The following PLAAT1 variants were observed in gnomAD, a reference collection of about 807,000 sequenced individuals.
PLAAT1 encodes the protein H-REV107 protein-related protein.
A neutral mutation model predicts 16.4 loss-of-function variants in PLAAT1; 13 were observed. The observed-to-expected ratio is 0.79, with a 90% CI of 0.52 to 1.26. The LOEUF (loss-of-function observed/expected upper bound fraction) is 1.26. Among genes scored for constraint, PLAAT1 ranks in the 50% most tolerant of loss-of-function variants. The pLI is 0.00. For missense variants in PLAAT1, 218 were observed against 207.8 expected (o/e 1.05, Z -0.30); for synonymous variants, 73 against 78.4 (o/e 0.93, Z 0.36).
In PLAAT1 at chr3:193,264,505, C is replaced by A. The variant is rs985714969; in HGVS notation, c.405+1270C>A. The stretch of plus-strand genomic sequence containing the variant: ...TTGTTGTTGTTGTTTGTTTCTTCTT[C>A]TTCTTCTTTTTTTTTTTAGATGGAG... On this transcript the variant is annotated intron_variant, in intron 3 of 3. Transcript: ENST00000264735. 2.6e-3 allele frequency among the ~76,000 whole-genome samples: 111 copies of A among 43,316 alleles called. 5 individuals carry two copies. The highest frequency in any genetic ancestry group is 1.6e-3 in the Admixed American group (5 of 3,090). The allele number at this position is 43,316 out of a possible 152,430, so 28.4% of individuals were successfully genotyped here.
intron 3 of PLAAT1, among the ~76,000 whole-genome samples, chr3:193,268,659 G>C (rs1188020366): frequency 2.0e-5 from 3 of 152,202 alleles, no homozygotes; most frequent in African/African-American, 4.8e-5. Context: ...AATGAGACTT[G>C]AAATAAATGA....
At chr3:193,263,286 G>A in intron 3 of PLAAT1, 51 bp downstream of exon 3, 1 of 1,552,478 alleles carries the variant, frequency 6.4e-7, no homozygotes, top group Non-Finnish European at 8.8e-7. Context: ...ATAACTATTG[G>A]CTATGATAAG....
intron 1 of PLAAT1, among the ~76,000 whole-genome samples, chr3:193,253,542 T>C (rs1330777149): frequency 1.3e-5 from 2 of 152,178 alleles, no homozygotes; most frequent in African/African-American, 4.8e-5. Context: ...CGACAGCTTT[T>C]TACCAGCTCC....
At chr3:193,248,990 A>G (rs1716089191) in intron 1 of PLAAT1, among the ~76,000 whole-genome samples, 1 of 152,112 alleles carries the variant, frequency 6.6e-6, no homozygotes, top group Non-Finnish European at 1.5e-5. Context: ...AGGCAGGTCT[A>G]GTTGTGATAA....
chr3:193,276,718 T>C, intron 2 of PLAAT1: 1 of 1,480,432 alleles, frequency 6.8e-7, no homozygotes, highest in East Asian at 2.3e-5. Flanking sequence ...AATTTGTTTA[T>C]CTTCCTAGAA....
chr3:193,249,345 A>G lies in PLAAT1; in HGVS notation c.1-6306A>G, dbSNP rs145456648. Among the ~76,000 whole-genome samples the G allele has an allele frequency of 3.1e-4, 47 of 152,224 alleles. 2 individuals carry two copies. In the East Asian group the frequency reaches 5.0e-3, roughly 16 times the overall value. ...CTTCTGGATTTCTGTTTCCTTCCCT[A>G]CACTTAGGAAGGTTTTCGCAATTGC... On this transcript the variant is annotated intron_variant, in intron 1 of 3. Transcript: ENST00000264735.
chr3:193,263,213 A>G lies in PLAAT1; in HGVS notation c.383A>G (p.Tyr128Cys). 6.2e-7 allele frequency: 1 copy of G among 1,614,046 alleles called. No homozygotes were observed. The highest frequency in any genetic ancestry group is 1.1e-5 in the South Asian group (1 of 91,076). Residue 128 changes from tyrosine (Y) to cysteine (C), a missense_variant, in exon 3 of 4, where the codon TAT becomes TGT. Coordinates refer to ENST00000264735, the MANE Select transcript of PLAAT1 (RefSeq NM_020386.5). ...NCEHFVTLLR[Y>C]GEGVSEQANR... is the part of the protein sequence containing the mutation. ...GAACATTTTGTGACATTGCTTCGCTATGGAGAAGGAGTTTCAGAGCAGGTA... is the reference window on the plus strand; with the variant it reads ...GAACATTTTGTGACATTGCTTCGCTGTGGAGAAGGAGTTTCAGAGCAGGTA...
chr3:193,273,131 A>G (rs986479109), downstream of PLAAT1, among the ~76,000 whole-genome samples: 3 of 152,214 alleles, frequency 2.0e-5, no homozygotes, highest in Admixed American at 6.5e-5. Flanking sequence ...TTTTTAAAAA[A>G]TCTTTTTATG....
chr3:193,250,595 C>T (rs1200929979), intron 1 of PLAAT1, among the ~76,000 whole-genome samples: 1 of 152,126 alleles, frequency 6.6e-6, no homozygotes, highest in Non-Finnish European at 1.5e-5. Context: ...AAAGAGCACT[C>T]CGTGTGTATG....
intron 1 of PLAAT1, among the ~76,000 whole-genome samples, chr3:193,249,453 C>T (rs1716111327): frequency 6.6e-6 from 1 of 152,118 alleles, no homozygotes; most frequent in Non-Finnish European, 1.5e-5. Context: ...TGAATAACAT[C>T]ATTTTACTCA....
chr3:193,275,165 A>G, downstream of PLAAT1: 3 of 1,614,194 alleles, frequency 1.9e-6, no homozygotes, highest in Non-Finnish European at 2.5e-6. Flanking sequence ...CATCACCTGA[A>G]TAATCTGTCC....
At chr3:193,253,548 G>C (rs988802625) in intron 1 of PLAAT1, among the ~76,000 whole-genome samples, 2 of 152,004 alleles carry the variant, frequency 1.3e-5, no homozygotes, top group African/African-American at 4.8e-5. Flanking sequence ...CTTTTTACCA[G>C]CTCCCTAAGG....
intron 1 of PLAAT1, among the ~76,000 whole-genome samples, chr3:193,254,333 T>C (rs1716300004): frequency 6.6e-6 from 1 of 152,180 alleles, no homozygotes; most frequent in Non-Finnish European, 1.5e-5. Context: ...CCCAAGTCCT[T>C]AGTCTCTGCT....
chr3:193,272,163 G>A (rs1445910069), downstream of PLAAT1, among the ~76,000 whole-genome samples: 1 of 152,080 alleles, frequency 6.6e-6, no homozygotes, highest in Non-Finnish European at 1.5e-5. Context: ...ACAATAACAG[G>A]CCAGGTGCGG....
intron 2 of PLAAT1, among the ~76,000 whole-genome samples, chr3:193,262,385 A>AG (rs1716617359): frequency 6.7e-6 from 1 of 149,528 alleles, no homozygotes; most frequent in Non-Finnish European, 1.5e-5. Flanking sequence ...GCAGGAAAAA[A>AG]GCAGGGCCCC....
chr3:193,258,942 C>G (rs1577306176), intron 2 of PLAAT1, among the ~76,000 whole-genome samples: 1 of 151,930 alleles, frequency 6.6e-6, no homozygotes, highest in Non-Finnish European at 1.5e-5. Flanking sequence ...ATCGGAGAGA[C>G]ACACAAAAAA....
intron 2 of PLAAT1, among the ~76,000 whole-genome samples, chr3:193,260,802 G>C (rs1052774778): frequency 6.6e-6 from 1 of 152,112 alleles, no homozygotes; most frequent in Non-Finnish European, 1.5e-5. Flanking sequence ...TTATCAAAGA[G>C]CTTAAAAGAG....
chr3:193,242,002 T>C (rs1168537609), intron 1 of PLAAT1, among the ~76,000 whole-genome samples: 3 of 152,142 alleles, frequency 2.0e-5, no homozygotes, highest in African/African-American at 7.2e-5. Context: ...ACTGAAGGTA[T>C]AGAGCAAGCT....
At chr3:193,269,825 G>A (rs975733128) in intron 3 of PLAAT1, among the ~76,000 whole-genome samples, 3 of 152,128 alleles carry the variant, frequency 2.0e-5, no homozygotes, top group African/African-American at 7.2e-5. Context: ...ATATTCATTA[G>A]TTCTCTCATC....
Sources: gnomAD v4.1 joint callset for allele counts (sites outside exome capture counted in the v4.1 genomes callset) on GRCh38, gnomAD v4.1.1 for gene constraint, MANE v1.5 for transcripts, NCBI Gene and HGNC (gene_info 2026-07-23, HGNC 2026-07-21) for gene names.